CIBAR1: variants seen among roughly 807,000 people sequenced by gnomAD.
CIBAR1 encodes CBY1 interacting BAR domain containing 1, also known as CBY1-interacting BAR domain-containing protein 1.
In CIBAR1, 25 loss-of-function variants were observed where a neutral mutation model predicts 44.0. That is an observed-to-expected ratio of 0.57 (90% CI 0.41 to 0.79). CIBAR1 has a LOEUF of 0.79. Ranked by LOEUF, CIBAR1 falls within the 30% of genes least tolerant of loss-of-function variation. The pLI, the probability that CIBAR1 is intolerant of heterozygous loss-of-function variation, is 0.00. For missense variants in CIBAR1, 278 were observed against 344.8 expected, an observed-to-expected ratio of 0.81 and a Z score of 1.53; for synonymous variants, 115 against 119.0, an observed-to-expected ratio of 0.97 and a Z score of 0.22.
chr8:93,710,003 G>A, intron 6 of CIBAR1, 128 bp downstream of exon 6: 1 of 670,834 alleles, frequency 1.5e-6, no homozygotes, highest in East Asian at 3.0e-5. Flanking sequence ...ATAAATAAGG[G>A]GGCGGGCACA....
chr8:93,728,526 T>C lies in CIBAR1; in HGVS notation c.*229T>C. 2.8e-6 allele frequency: 1 copy of C among 356,566 alleles called. No individual in the cohort carries two copies. Among genetic ancestry groups the C allele is most frequent in the Non-Finnish European group, 5.0e-6 (1 of 198,078 alleles). 22.1% of individuals were successfully genotyped at this position (356,566 alleles called of 1,614,324 possible). On this transcript the variant is annotated 3_prime_UTR_variant, in exon 9 of 9. Transcript: ENST00000518322. ...ACATGATTTTTGTGTAAGTGCCTTT[T>C]TTTTTAAAGATGGTGTATTTCAAAG...
chr8:93,727,282 C>A, intron 8 of CIBAR1: 1 of 988,960 alleles, frequency 1.0e-6, no homozygotes, highest in South Asian at 1.5e-5. Context: ...TCATTTGATT[C>A]TCCTGTAAGC....
chr8:93,713,036 T>TC (rs1324844198), intron 6 of CIBAR1, among the ~76,000 whole-genome samples: 10 of 144,642 alleles, frequency 6.9e-5, no homozygotes, highest in African/African-American at 1.5e-4. Flanking sequence ...TTTTTTTCTT[T>TC]TTTTTTTTTT....
At chr8:93,703,490 G>T in intron 2 of CIBAR1, 130 bp from the exon 3 acceptor site, 2 of 575,332 alleles carry the variant, frequency 3.5e-6, no homozygotes, top group Non-Finnish European at 6.0e-6. Context: ...TACTATTACT[G>T]TGCAGCTTAA....
intron 2 of CIBAR1, among the ~76,000 whole-genome samples, chr8:93,703,361 C>G (rs370353901): frequency 2.6e-5 from 4 of 152,306 alleles, no homozygotes; most frequent in South Asian, 4.1e-4. Flanking sequence ...TCTTAACACC[C>G]TTAAACTACT....
At chr8:93,708,710 T>C (rs146781596) in intron 5 of CIBAR1, among the ~76,000 whole-genome samples, 1 of 152,326 alleles carries the variant, frequency 6.6e-6, no homozygotes, top group Non-Finnish European at 1.5e-5. Context: ...ATATTTGTAG[T>C]GTATATTGTA....
At position 93,729,447 on chromosome 8, in the gene CIBAR1, C is replaced by T. The variant is rs944387821; in HGVS notation, c.*1150C>T. On this transcript the variant is annotated 3_prime_UTR_variant, in exon 9 of 9. Transcript: ENST00000518322. ...TCAGTATTTAAATTTGGTTGTACTTCGGGGGAAAACAACAGAGTTATTATT... is the reference window on the plus strand; with the variant it reads ...TCAGTATTTAAATTTGGTTGTACTTTGGGGGAAAACAACAGAGTTATTATT... The T allele has an allele frequency of 1.1e-4, 16 of 152,102 alleles. No individual in the cohort carries two copies. Among genetic ancestry groups the T allele is most frequent in the Non-Finnish European group, 2.2e-4 (15 of 67,986 alleles). 9.4% of individuals were successfully genotyped at this position (152,102 alleles called of 1,614,324 possible).
At chr8:93,717,424 C>G (rs549348504) in intron 6 of CIBAR1, among the ~76,000 whole-genome samples, 3 of 152,264 alleles carry the variant, frequency 2.0e-5, no homozygotes, top group East Asian at 3.9e-4. Flanking sequence ...CCTGGTATAC[C>G]TGAGCCCTCT....
rs149502439 is a variant in CIBAR1 at position 93,711,473 on chromosome 8, T to C, written c.543+1598T>C. On this transcript the variant is annotated intron_variant, in intron 6 of 8. Transcript: ENST00000518322. ...TTTAGTCACAGGCTCTGTACTCTTC[T>C]ATGTAATAGTAGATTGCTACCCACA... 2.4e-4 allele frequency among the ~76,000 whole-genome samples: 37 copies of C among 152,326 alleles called. 1 individual carries two copies. In the East Asian group the frequency reaches 6.6e-3, roughly 27 times the overall value.
intron 2 of CIBAR1, chr8:93,702,424 C>T: frequency 2.4e-6 from 1 of 417,302 alleles, no homozygotes; most frequent in South Asian, 1.8e-5. Context: ...TTTCAATGCC[C>T]CTTTGTAGAA....
chr8:93,720,224 C>T (rs10956879), intron 7 of CIBAR1: 56,383 of 151,700 alleles, frequency 0.37, 11,143 homozygotes, highest in East Asian at 0.5. Context: ...CCTCATAATC[C>T]GCCCGCCTTG....
In CIBAR1 at chr8:93,728,522, C is replaced by T. The variant is rs370901473; in HGVS notation, c.*225C>T. ...TGTTACATGATTTTTGTGTAAGTGC[C>T]TTTTTTTTTAAAGATGGTGTATTTC... On this transcript the variant is annotated 3_prime_UTR_variant, in exon 9 of 9. Coordinates refer to ENST00000518322, the MANE Select transcript of CIBAR1 (RefSeq NM_145269.5). 1.7e-5 allele frequency: 6 copies of T among 354,016 alleles called. No homozygotes were observed. The highest frequency in any genetic ancestry group is 1.1e-4 in the African/African-American group (5 of 46,200). 21.9% of individuals were successfully genotyped at this position (354,016 alleles called of 1,614,324 possible).
chr8:93,711,038 T>C (rs1007278193), intron 6 of CIBAR1, among the ~76,000 whole-genome samples: 4 of 152,154 alleles, frequency 2.6e-5, no homozygotes, highest in Non-Finnish European at 5.9e-5. Context: ...CCACGTAAAT[T>C]TGCATCTACT....
Position 93,731,216 on chromosome 8 carries a change from C to A in CIBAR1, c.*2919C>A, listed in dbSNP as rs1388786720. On this transcript the variant is annotated 3_prime_UTR_variant, in exon 9 of 9. Coordinates refer to ENST00000518322, the MANE Select transcript of CIBAR1 (RefSeq NM_145269.5). ...ACTCTAGCTGGCCTCTTATCTACCA[C>A]CACCATCCCACCTCAGCCCAGTTTG... 6.6e-6 allele frequency: 1 copy of A among 152,214 alleles called. No individual in the cohort carries two copies. The highest frequency in any genetic ancestry group is 1.5e-5 in the Non-Finnish European group (1 of 68,032). The allele number at this position is 152,214 out of a possible 1,614,324, so 9.4% of individuals were successfully genotyped here. A position where few individuals can be genotyped will look rare whatever the true frequency, so the allele number is the denominator to read the frequency against.
intron 5 of CIBAR1, among the ~76,000 whole-genome samples, chr8:93,708,833 A>T (rs2130308652): frequency 6.6e-6 from 1 of 152,330 alleles, no homozygotes; most frequent in South Asian, 2.1e-4. Context: ...GCTAACTCAA[A>T]ATACCTCAAT....
intron 8 of CIBAR1, among the ~76,000 whole-genome samples, chr8:93,727,749 G>GT (rs1004051820): frequency 1.3e-5 from 2 of 152,202 alleles, no homozygotes; most frequent in African/African-American, 4.8e-5. Flanking sequence ...CGTGGCGGCA[G>GT]TCAGGCAACT....
chr8:93,721,949 T>G (rs1393837672), intron 7 of CIBAR1, among the ~76,000 whole-genome samples: 2 of 152,074 alleles, frequency 1.3e-5, no homozygotes, highest in Non-Finnish European at 2.9e-5. Flanking sequence ...AGGGCATAGA[T>G]AGATATACCA....
At chr8:93,719,988 T>G (rs1811191293) in intron 7 of CIBAR1, 1 of 150,594 alleles carries the variant, frequency 6.6e-6, no homozygotes, top group South Asian at 2.1e-4. Flanking sequence ...TTTTTGTATC[T>G]TCCCCCGCCT....
intron 4 of CIBAR1, chr8:93,706,019 A>G (rs1461636363): frequency 3.3e-5 from 5 of 152,010 alleles, no homozygotes; most frequent in East Asian, 3.9e-4. Flanking sequence ...TCCTTCTTCT[A>G]TATGTCTCCT....
Sources: allele counts gnomAD v4.1 joint callset (sites outside exome capture counted in the v4.1 genomes callset), GRCh38; gene constraint gnomAD v4.1.1; transcripts MANE v1.5; gene names NCBI Gene and HGNC (gene_info 2026-07-23, HGNC 2026-07-21).